CLCN4: variants seen among roughly 807,000 people sequenced by gnomAD.
CLCN4 encodes the protein Cl-/H+ antiporter 4.
CLCN4 carries 1 observed loss-of-function variant against 41.7 expected under a neutral mutation model. That is an observed-to-expected ratio of 0.02 (90% CI 0.01 to 0.11). The LOEUF (loss-of-function observed/expected upper bound fraction) is 0.11. Ranked by LOEUF, CLCN4 falls within the 10% of genes least tolerant of loss-of-function variation. CLCN4 has a pLI of 1.00. For synonymous variants in CLCN4, 277 were observed against 285.8 expected, an observed-to-expected ratio of 0.97 and a Z score of 0.31; for missense variants, 287 against 661.0, an observed-to-expected ratio of 0.43 and a Z score of 6.20.
chrX:10,168,361 G>A (rs928493464), intron 2 of CLCN4, among the ~76,000 whole-genome samples: 3 of 111,903 alleles, frequency 2.7e-5, no homozygotes, highest in Non-Finnish European at 5.6e-5. Flanking sequence ...GCAATGTGGA[G>A]CCCGTGTCCT....
At chrX:10,198,153 C>A in intron 6 of CLCN4, 92 bp downstream of exon 6, 1 of 847,145 alleles carries the variant, frequency 1.2e-6, no homozygotes, top group Non-Finnish European at 1.7e-6. Flanking sequence ...AAGCGTTTTA[C>A]TTCTACTAAC....
intron 11 of CLCN4, among the ~76,000 whole-genome samples, chrX:10,216,933 A>G (rs1349230642): frequency 2.3e-5 from 2 of 88,593 alleles, no homozygotes; most frequent in Non-Finnish European, 4.5e-5. Context: ...ACACACACAT[A>G]GAGGGACTTC....
rs1282167406 is a variant in CLCN4, at chrX:10,215,432, C to T, written c.1975+1353C>T. ...AAAATTGATTTTGTATTTTAGACAC[C>T]GTAGCAAGTTTGTGCTTAAGTGTTC... On this transcript the variant is annotated intron_variant, in intron 11 of 12. Coordinates refer to ENST00000380833, the MANE Select transcript of CLCN4 (RefSeq NM_001830.4). 3.3e-4 allele frequency among the ~76,000 whole-genome samples: 37 copies of T among 111,954 alleles called. No individual in the cohort carries two copies. The Admixed American group carries it at 3.5e-3, about 11-fold the overall frequency.
In CLCN4 at chrX:10,237,034, A is replaced by T. The variant is rs1210849295; in HGVS notation, c.*3450A>T. 1 of 112,352 alleles carries T rather than the reference A, an allele frequency of 8.9e-6. No homozygotes were observed. The highest frequency in any genetic ancestry group is 3.2e-5 in the African/African-American group (1 of 30,884). The allele number at this position is 112,352 out of a possible 1,213,427, so 9.3% of individuals were successfully genotyped here. On this transcript the variant is annotated 3_prime_UTR_variant, in exon 13 of 13. Transcript: ENST00000380833. ...GTGCTAGAAGTCGAAGTCATTCAAT[A>T]TTCAGTGCTTACTGTTACTTTGAAC...
intron 12 of CLCN4, among the ~76,000 whole-genome samples, chrX:10,225,077 G>C (rs1924957810): frequency 8.9e-6 from 1 of 112,093 alleles, no homozygotes; most frequent in Non-Finnish European, 1.9e-5. Context: ...TTTTATAATA[G>C]AGTGATTTAT....
chrX:10,233,660 C>A lies in CLCN4; in HGVS notation c.*76C>A. ...AGAAATAAATGATATGTTATTATCCCAATGAAAGATCATGCATTGGGGACA... is the reference window on the plus strand; with the variant it reads ...AGAAATAAATGATATGTTATTATCCAAATGAAAGATCATGCATTGGGGACA... On this transcript the variant is annotated 3_prime_UTR_variant, in exon 13 of 13. Coordinates refer to ENST00000380833, the MANE Select transcript of CLCN4 (RefSeq NM_001830.4). 1.2e-6 allele frequency: 1 copy of A among 840,997 alleles called. No individual in the cohort carries two copies. The highest frequency in any genetic ancestry group is 1.8e-6 in the Non-Finnish European group (1 of 570,414). 69.3% of individuals were successfully genotyped at this position (840,997 alleles called of 1,213,427 possible).
intron 5 of CLCN4, among the ~76,000 whole-genome samples, chrX:10,196,709 T>G (rs759080646): frequency 9.0e-6 from 1 of 111,582 alleles, no homozygotes; most frequent in East Asian, 2.8e-4. Context: ...TCTCCATTAC[T>G]TCCAAAAAGA....
intron 12 of CLCN4, among the ~76,000 whole-genome samples, chrX:10,228,625 G>A (rs1035289128): frequency 1.5e-4 from 17 of 111,534 alleles, no homozygotes; most frequent in African/African-American, 5.6e-4. Flanking sequence ...CCATGCTGAC[G>A]GTGTATTATA....
intron 11 of CLCN4, among the ~76,000 whole-genome samples, chrX:10,215,673 G>T (rs1317309775): frequency 8.9e-6 from 1 of 112,102 alleles, no homozygotes; most frequent in Non-Finnish European, 1.9e-5. Context: ...AAATGTCACA[G>T]AATCTATTAT....
intron 12 of CLCN4, among the ~76,000 whole-genome samples, chrX:10,225,241 C>G (rs1286588547): frequency 2.7e-5 from 3 of 111,999 alleles, no homozygotes; most frequent in African/African-American, 9.7e-5. Flanking sequence ...TCTCCACACT[C>G]TTGCTCCACA....
rs1925229366 is a variant in CLCN4, at chrX:10,235,515, G to T, written c.*1931G>T. 9.0e-6 allele frequency: 1 copy of T among 111,410 alleles called. No individual in the cohort carries two copies. Among genetic ancestry groups the T allele is most frequent in the Non-Finnish European group, 1.9e-5 (1 of 53,086 alleles). 9.2% of individuals were successfully genotyped at this position (111,410 alleles called of 1,213,427 possible). On this transcript the variant is annotated 3_prime_UTR_variant, in exon 13 of 13. Coordinates refer to ENST00000380833, the MANE Select transcript of CLCN4 (RefSeq NM_001830.4). ...CATTGCCCTTCCGGTTTTCATTCTTGCTAAACCCCTGTGAATGTTCTTCTA... is the reference window on the plus strand; with the variant it reads ...CATTGCCCTTCCGGTTTTCATTCTTTCTAAACCCCTGTGAATGTTCTTCTA...
rs145404350 is a variant in CLCN4, at chrX:10,229,937, A to G, written c.2193-3557A>G. ...TGAGATGTTTTGATACTGGCATGCAATGCATAATAATCACATCATAGAGAA... is the reference window on the plus strand; with the variant it reads ...TGAGATGTTTTGATACTGGCATGCAGTGCATAATAATCACATCATAGAGAA... On this transcript the variant is annotated intron_variant, in intron 12 of 12. Coordinates refer to ENST00000380833, the MANE Select transcript of CLCN4 (RefSeq NM_001830.4). Among the ~76,000 whole-genome samples, 327 of 112,343 alleles carry G rather than the reference A, an allele frequency of 2.9e-3. 2 individuals carry two copies. The highest frequency in any genetic ancestry group is 0.01 in the African/African-American group (310 of 30,930).
In CLCN4 at chrX:10,187,127, A is replaced by C. The variant is rs1465501889; in HGVS notation, c.145-388A>C. On this transcript the variant is annotated intron_variant, in intron 3 of 12. Coordinates refer to ENST00000380833, the MANE Select transcript of CLCN4 (RefSeq NM_001830.4). ...AGGAGGAGATGAAGTCTGTGTGAAG[A>C]GGCTTTTTAATGAAACTTAGCAATG... 2.7e-5 allele frequency among the ~76,000 whole-genome samples: 3 copies of C among 112,476 alleles called. No homozygotes were observed. The East Asian group carries it at 8.4e-4, about 31-fold the overall frequency.
intron 2 of CLCN4, among the ~76,000 whole-genome samples, chrX:10,174,975 C>T (rs900470601): frequency 3.6e-5 from 4 of 112,237 alleles, no homozygotes; most frequent in Non-Finnish European, 5.6e-5. Flanking sequence ...ATGATGTAAA[C>T]GGGATCACAC....
intron 12 of CLCN4, among the ~76,000 whole-genome samples, chrX:10,231,311 G>A (rs949315704): frequency 2.7e-5 from 3 of 111,739 alleles, no homozygotes; most frequent in Non-Finnish European, 5.6e-5. Context: ...TGAAGCAGAC[G>A]TCTTCTAAGA....
chrX:10,165,139 G>T (rs1305531403), intron 2 of CLCN4, among the ~76,000 whole-genome samples: 1 of 113,228 alleles, frequency 8.8e-6, no homozygotes, highest in African/African-American at 3.2e-5. Flanking sequence ...CTGCTGGCTT[G>T]CCATCTTCAC....
At chrX:10,217,199 C>T (rs1924748074) in intron 11 of CLCN4, among the ~76,000 whole-genome samples, 1 of 109,355 alleles carries the variant, frequency 9.1e-6, no homozygotes, top group African/African-American at 3.3e-5. Context: ...CCACTGGGCT[C>T]AAGCAGTCTT....
At chrX:10,215,850 G>A (rs1278118992) in intron 11 of CLCN4, among the ~76,000 whole-genome samples, 2 of 112,040 alleles carry the variant, frequency 1.8e-5, no homozygotes, top group African/African-American at 6.5e-5. Context: ...AATGTCTGAA[G>A]AGGCACCACA....
intron 2 of CLCN4, among the ~76,000 whole-genome samples, chrX:10,182,834 A>G (rs1923718313): frequency 8.9e-6 from 1 of 112,682 alleles, no homozygotes; most frequent in South Asian, 3.7e-4. Context: ...TATTTTCCTC[A>G]GGACCACTGC....
Sources: gnomAD v4.1 joint callset for allele counts (sites outside exome capture counted in the v4.1 genomes callset) on GRCh38, gnomAD v4.1.1 for gene constraint, MANE v1.5 for transcripts, NCBI Gene and HGNC (gene_info 2026-07-23, HGNC 2026-07-21) for gene names.